DNAH10: variants seen among roughly 807,000 people sequenced by gnomAD.
DNAH10 encodes axonemal beta dynein heavy chain 10.
DNAH10 carries 348 observed loss-of-function variants against 506.6 expected under a neutral mutation model. That is an observed-to-expected ratio of 0.69 (90% confidence interval 0.63 to 0.75). The LOEUF (loss-of-function observed/expected upper bound fraction) is 0.75. Ranked by LOEUF, DNAH10 falls within the 30% of genes least tolerant of loss-of-function variation. The pLI, the probability that DNAH10 is intolerant of heterozygous loss-of-function variation, is 0.00. For missense variants in DNAH10, 5,179 were observed against 5,787.1 expected, an observed-to-expected ratio of 0.89 and a Z score of 3.41; for synonymous variants, 2,059 against 2,198.6, an observed-to-expected ratio of 0.94 and a Z score of 1.78.
chr12:123,931,948 C>T lies in DNAH10; in HGVS notation c.13136C>T (p.Ala4379Val). 6.2e-7 allele frequency: 1 copy of T among 1,614,022 alleles called. No individual in the cohort carries two copies. The highest frequency in any genetic ancestry group is 8.5e-7 in the Non-Finnish European group (1 of 1,179,892). Residue 4379 changes from alanine (A) to valine (V), a missense_variant, in exon 76 of 79, where the codon GCT becomes GTT. Physicochemically the swap from Ala to Val is moderately conservative, Grantham distance 64. Transcript: ENST00000673944. Reference sequence around the variant, plus strand: ...GCTCTTGATTCTAAATAGGCCTTGGCTGGAGAAGTTGGAATGAGCAATGAG... The same window carrying T: ...GCTCTTGATTCTAAATAGGCCTTGGTTGGAGAAGTTGGAATGAGCAATGAG... The part of the protein sequence containing the change: ...KSLAELQRAL[A>V]GEVGMSNELD...
At chr12:123,821,035 C>T (rs1959349532) in intron 24 of DNAH10, among the ~76,000 whole-genome samples, 1 of 151,998 alleles carries the variant, frequency 6.6e-6, no homozygotes, top group South Asian at 2.1e-4. Context: ...GCATCACCTG[C>T]GGTCAGGAGT....
At chr12:123,910,199 G>A (rs1386069334) in intron 58 of DNAH10, among the ~76,000 whole-genome samples, 2 of 152,236 alleles carry the variant, frequency 1.3e-5, no homozygotes, top group Admixed American at 6.5e-5. Flanking sequence ...CTCCTGGGGT[G>A]AGGGTGCGGG....
At chr12:123,813,971 T>C in intron 21 of DNAH10, 59 bp downstream of exon 21, 9 of 1,468,712 alleles carry the variant, frequency 6.1e-6, no homozygotes, top group Non-Finnish European at 8.1e-6. Flanking sequence ...TAACGACCCT[T>C]TTCAGAAATG....
At position 123,813,453 on chromosome 12, in the gene DNAH10, T is replaced by C. The variant is rs1177220224; in HGVS notation, c.3434T>C (p.Phe1145Ser). 2 of 1,614,244 alleles carry C rather than the reference T, an allele frequency of 1.2e-6. No homozygotes were observed. Among genetic ancestry groups the C allele is most frequent in the South Asian group, 1.1e-5 (1 of 91,082 alleles). ...PCVAYDEKLQ[F>S]YSKIAYEVMR... ...GTAGCATATGATGAAAAGTTGCAGT[T>C]CTATTCCAAGATAGCTTATGAGGTT... is the stretch of plus-strand genomic sequence containing the variant. Residue 1145 changes from phenylalanine to serine, a missense_variant, in exon 20 of 79, where the codon TTC (phenylalanine) becomes TCC (serine). This residue lies in a region of DNAH10 where 4,844 missense variants were observed against 5,430.5 expected (regional missense o/e 0.89). Coordinates refer to ENST00000673944, the MANE Select transcript of DNAH10 (RefSeq NM_001372106.1).
At chr12:123,844,732 A>G (rs1323815798) in intron 30 of DNAH10, among the ~76,000 whole-genome samples, 1 of 152,080 alleles carries the variant, frequency 6.6e-6, no homozygotes, top group Non-Finnish European at 1.5e-5. Context: ...TTGAGTTCCT[A>G]GGTTCAAGCA....
rs750507056 is a variant in DNAH10, at chr12:123,850,876, C to G, written c.6103-12C>G. The G allele has an allele frequency of 6.2e-7, 1 of 1,600,236 alleles. No homozygotes were observed. The highest frequency in any genetic ancestry group is 2.2e-5 in the East Asian group (1 of 44,528). On this transcript the variant is annotated splice_polypyrimidine_tract_variant and intron_variant, in intron 34 of 78. Transcript: ENST00000673944. The surrounding 1 kb of genome is among the most constrained non-coding windows in gnomAD (Gnocchi z 5.5). ...CTAACTGCTTCTTTCTTTCTTCCTT[C>G]TTGCCCTCCAGTTTGAAGGGCAGGA...
In DNAH10 at chr12:123,914,408, A is replaced by G. The variant is rs1351345194; in HGVS notation, c.10432A>G (p.Ser3478Gly). The G allele has an allele frequency of 6.2e-7, 1 of 1,613,530 alleles. No homozygotes were observed. Among genetic ancestry groups the G allele is most frequent in the East Asian group, 2.2e-5 (1 of 44,890 alleles). Residue 3478 changes from serine (S) to glycine (G), a missense_variant, in exon 61 of 79, where the codon AGC becomes GGC. Around this residue, in one of 3 missense-constraint regions of DNAH10, gnomAD observed 4,844 missense variants for 5,430.5 expected, o/e 0.89. Transcript: ENST00000673944. ...GDCLLCAAFL[S>G]YEGAFTWEFR... is the part of the protein sequence containing the mutation. Reference sequence around the variant, plus strand: ...CTGCCTGCTCTGCGCGGCTTTCCTCAGCTACGAGGGAGCCTTCACCTGGGA... The same window carrying G: ...CTGCCTGCTCTGCGCGGCTTTCCTCGGCTACGAGGGAGCCTTCACCTGGGA...
intron 47 of DNAH10, among the ~76,000 whole-genome samples, chr12:123,876,244 C>T (rs1429672733): frequency 6.6e-6 from 1 of 152,118 alleles, no homozygotes; most frequent in South Asian, 2.1e-4. Flanking sequence ...CGGTGAGGTC[C>T]GTGCTGGTCA....
At chr12:123,882,809 A>C (rs1952567444) in intron 51 of DNAH10, among the ~76,000 whole-genome samples, 1 of 146,506 alleles carries the variant, frequency 6.8e-6, no homozygotes, top group Non-Finnish European at 1.5e-5. Context: ...AAAAAAAAAA[A>C]AAAAAAGAAC....
At chr12:123,890,139 T>A (rs1952914209) in intron 52 of DNAH10, among the ~76,000 whole-genome samples, 1 of 152,190 alleles carries the variant, frequency 6.6e-6, no homozygotes, top group Non-Finnish European at 1.5e-5. Flanking sequence ...TAGAGGGCTG[T>A]TGTGCAGGGA....
intron 15 of DNAH10, 69 bp from the exon 16 acceptor site, chr12:123,801,212 T>A: frequency 6.7e-7 from 1 of 1,502,862 alleles, no homozygotes; most frequent in Non-Finnish European, 8.9e-7. Context: ...TGTAATCTCT[T>A]GACCGCAAAA....
chr12:123,769,725 A>G (rs547615599), intron 2 of DNAH10, among the ~76,000 whole-genome samples: 5 of 151,866 alleles, frequency 3.3e-5, no homozygotes, highest in Admixed American at 3.3e-4. Flanking sequence ...CATTTTTACC[A>G]TTTCTATGTG....
intron 25 of DNAH10, 101 bp downstream of exon 25, chr12:123,826,999 A>G: frequency 9.8e-7 from 1 of 1,018,536 alleles, no homozygotes; most frequent in Non-Finnish European, 1.4e-6. Context: ...GATGAAGCAC[A>G]CAATTTCAAC....
intron 13 of DNAH10, among the ~76,000 whole-genome samples, chr12:123,797,663 T>C (rs1457503102): frequency 6.6e-6 from 1 of 152,214 alleles, no homozygotes; most frequent in Non-Finnish European, 1.5e-5. Flanking sequence ...TCCCAAAGTG[T>C]TGGGCTTACA....
Position 123,914,326 on chromosome 12 carries a change from C to G in DNAH10, c.10353-3C>G, listed in dbSNP as rs969529113. The G allele has an allele frequency of 3.1e-6, 5 of 1,610,418 alleles. No individual in the cohort carries two copies. In the African/African-American group the frequency reaches 6.7e-5, roughly 22 times the overall value. Reference sequence around the variant, plus strand: ...CGGCAGCCTCCCTCTCCTCCCGTGCCAGGTGGCTGAACGACCTGGATGAGC... The same window carrying G: ...CGGCAGCCTCCCTCTCCTCCCGTGCGAGGTGGCTGAACGACCTGGATGAGC... On this transcript the variant is annotated splice_polypyrimidine_tract_variant and splice_region_variant and intron_variant, in intron 60 of 78. Coordinates refer to ENST00000673944, the MANE Select transcript of DNAH10 (RefSeq NM_001372106.1).
At chr12:123,816,329 G>A (rs888632559) in intron 21 of DNAH10, among the ~76,000 whole-genome samples, 4 of 152,140 alleles carry the variant, frequency 2.6e-5, no homozygotes, top group Non-Finnish European at 5.9e-5. Flanking sequence ...GCCCATCTTT[G>A]CCACCCTTGG....
intron 69 of DNAH10, chr12:123,927,678 C>G (rs966751810): frequency 1.3e-5 from 2 of 152,466 alleles, no homozygotes; most frequent in Non-Finnish European, 2.9e-5. Context: ...TGCAGGCATG[C>G]GTGTTGGGGT....
At chr12:123,832,709 G>C (rs1960700775) in intron 26 of DNAH10, among the ~76,000 whole-genome samples, 2 of 152,132 alleles carry the variant, frequency 1.3e-5, no homozygotes, top group African/African-American at 4.8e-5. Flanking sequence ...TTTGGTTTTT[G>C]TGACAGTAGA....
intron 19 of DNAH10, among the ~76,000 whole-genome samples, chr12:123,812,194 G>A (rs1467488309): frequency 6.6e-6 from 1 of 151,990 alleles, no homozygotes; most frequent in Admixed American, 6.6e-5. Flanking sequence ...GCTCACGCCT[G>A]TAATCCCAGT....
Sources: gnomAD v4.1 joint callset for allele counts (sites outside exome capture counted in the v4.1 genomes callset) on GRCh38, gnomAD v4.1.1 for gene constraint, gnomAD v4.1.1 regional missense constraint, Gnocchi (gnomAD v3.1) non-coding constraint, MANE v1.5 for transcripts, NCBI Gene and HGNC (gene_info 2026-07-23, HGNC 2026-07-21) for gene names.